The following DTWD2 variants were observed in gnomAD, a reference collection of about 807,000 sequenced individuals.
DTWD2 encodes the protein tRNA-uridine aminocarboxypropyltransferase 2.
Under a neutral mutation model 31.8 loss-of-function variants are expected in DTWD2, and 39 were observed. The ratio of observed to expected loss-of-function variants is 1.22; its 90% CI spans 0.95 to 1.60. The LOEUF (loss-of-function observed/expected upper bound fraction) is 1.60. DTWD2 is among the 40% of genes most tolerant of loss of function. The pLI, the probability that DTWD2 is intolerant of heterozygous loss-of-function variation, is 0.00. For synonymous variants in DTWD2, 180 were observed against 142.8 expected (o/e 1.26, Z -1.86); for missense variants, 515 against 381.5 (o/e 1.35, Z -2.92).
intron 5 of DTWD2, among the ~76,000 whole-genome samples, chr5:118,843,734 C>G (rs1288904834): frequency 2.0e-5 from 3 of 152,174 alleles, no homozygotes; most frequent in Admixed American, 6.5e-5. Context: ...TATCAATTTA[C>G]TGAGGTAATG....
At chr5:118,937,522 C>T (rs917206957) in intron 3 of DTWD2, among the ~76,000 whole-genome samples, 4 of 152,198 alleles carry the variant, frequency 2.6e-5, no homozygotes, top group Non-Finnish European at 5.9e-5. Context: ...AAAACTTTCC[C>T]TCCCTGTGTG....
At chr5:118,867,198 T>C (rs2149547779) in intron 4 of DTWD2, among the ~76,000 whole-genome samples, 1 of 152,258 alleles carries the variant, frequency 6.6e-6, no homozygotes, top group Non-Finnish European at 1.5e-5. Flanking sequence ...AATGAGGTAA[T>C]GATTTATAAA....
chr5:118,926,398 G>A (rs927125454), intron 4 of DTWD2, among the ~76,000 whole-genome samples: 8 of 152,148 alleles, frequency 5.3e-5, no homozygotes, highest in African/African-American at 1.7e-4. Context: ...CTGGGTGGAA[G>A]GAGGGAGGTG....
Position 118,876,862 on chromosome 5 carries a change from C to T in DTWD2, c.598-28644G>A, listed in dbSNP as rs555337380. 4.6e-5 allele frequency among the ~76,000 whole-genome samples: 7 copies of T among 152,138 alleles called. No individual in the cohort carries two copies. In the South Asian group the frequency reaches 1.0e-3, roughly 23 times the overall value. On this transcript the variant is annotated intron_variant, in intron 4 of 5. Coordinates refer to ENST00000510708, the MANE Select transcript of DTWD2 (RefSeq NM_173666.4). ...AAAAGATTGAGGAGGAGGGACTCCT[C>T]CCAAACTCATTCTGCAAGGCCAGCA...
intron 5 of DTWD2, among the ~76,000 whole-genome samples, chr5:118,843,251 G>T (rs557564986): frequency 6.6e-6 from 1 of 151,274 alleles, no homozygotes; most frequent in Admixed American, 6.6e-5. Flanking sequence ...CACCGCATCC[G>T]GCCCAGAATA....
In DTWD2 at chr5:118,838,382, GAACTTCCAGGA is replaced by G. The variant is rs908723318; in HGVS notation, c.*2524_*2534del. ...ATCAGCTACAAATTCATAAAACTTG[GAACTTCCAGGA>G]AAAATCAAGCAAATATAAAGAATCT... is the stretch of plus-strand genomic sequence containing the variant. On this transcript the variant is annotated 3_prime_UTR_variant, in exon 6 of 6. Transcript: ENST00000510708. The G allele has an allele frequency of 1.6e-5, 2 of 124,738 alleles. No individual in the cohort carries two copies. The highest frequency in any genetic ancestry group is 8.4e-5 in the African/African-American group (2 of 23,886). The allele number at this position is 124,738 out of a possible 1,614,324, so 7.7% of individuals were successfully genotyped here. A position where few individuals can be genotyped will look rare whatever the true frequency, so the allele number is the denominator to read the frequency against.
Position 118,840,719 on chromosome 5 carries a change from T to C in DTWD2, c.*198A>G. On this transcript the variant is annotated 3_prime_UTR_variant, in exon 6 of 6. Coordinates refer to ENST00000510708, the MANE Select transcript of DTWD2 (RefSeq NM_173666.4). ...TTTTAAAAACAAGTACAGTAGGAAA[T>C]CCTGCTTTTCAGTGAGCCAGTGAAT... The C allele has an allele frequency of 2.0e-6, 1 of 491,814 alleles. No individual in the cohort carries two copies. Among genetic ancestry groups the C allele is most frequent in the Non-Finnish European group, 3.2e-6 (1 of 312,296 alleles). 30.5% of individuals were successfully genotyped at this position (491,814 alleles called of 1,614,324 possible).
At chr5:118,935,274 T>G (rs1481738235) in intron 3 of DTWD2, among the ~76,000 whole-genome samples, 1 of 152,228 alleles carries the variant, frequency 6.6e-6, no homozygotes, top group Non-Finnish European at 1.5e-5. Flanking sequence ...CATAAACTGG[T>G]AAACATTAAG....
intron 4 of DTWD2, among the ~76,000 whole-genome samples, chr5:118,886,105 T>C (rs1360883922): frequency 6.6e-6 from 1 of 152,240 alleles, no homozygotes; most frequent in Non-Finnish European, 1.5e-5. Flanking sequence ...TATGTTTTAT[T>C]ATAAATTGTG....
chr5:118,878,993 T>G (rs1204938910), intron 4 of DTWD2, among the ~76,000 whole-genome samples: 2 of 152,016 alleles, frequency 1.3e-5, no homozygotes, highest in African/African-American at 4.8e-5. Context: ...AAATAACAGA[T>G]GCTAGCAAGG....
chr5:118,896,380 C>T (rs1002959193), intron 4 of DTWD2, among the ~76,000 whole-genome samples: 14 of 151,500 alleles, frequency 9.2e-5, no homozygotes, highest in Non-Finnish European at 1.8e-4. Flanking sequence ...ACATGTAGGT[C>T]AGATTTTTCA....
intron 4 of DTWD2, among the ~76,000 whole-genome samples, chr5:118,887,795 T>C (rs920676901): frequency 2.6e-5 from 4 of 152,132 alleles, no homozygotes; most frequent in Admixed American, 2.6e-4. Context: ...ATTGTTCTGT[T>C]TTGTTTTGGT....
chr5:118,903,159 A>C lies in DTWD2; in HGVS notation c.597+25378T>G, dbSNP rs72784035. 3.6e-3 allele frequency among the ~76,000 whole-genome samples: 554 copies of C among 152,094 alleles called. 2 individuals carry two copies. The highest frequency in any genetic ancestry group is 6.0e-3 in the Non-Finnish European group (409 of 67,876). Reference sequence around the variant, plus strand: ...GTGCTAAAATGGTAAAAAAAAAAAAAAACTTGAGTCAGTATGCCTCTAACA... The same window carrying C: ...GTGCTAAAATGGTAAAAAAAAAAAACAACTTGAGTCAGTATGCCTCTAACA... On this transcript the variant is annotated intron_variant, in intron 4 of 5. Coordinates refer to ENST00000510708, the MANE Select transcript of DTWD2 (RefSeq NM_173666.4).
intron 4 of DTWD2, among the ~76,000 whole-genome samples, chr5:118,857,802 T>A (rs998535616): frequency 6.6e-6 from 1 of 152,182 alleles, no homozygotes; most frequent in East Asian, 1.9e-4. Flanking sequence ...CACACAGTAT[T>A]GAGTGAAGTA....
chr5:118,981,615 C>G lies in DTWD2; in HGVS notation c.218+6679G>C, dbSNP rs185950456. Reference sequence around the variant, plus strand: ...TTACTCTGTCACCCAGGCAAGAGCACAGTGGCACCTTCTTACCTTACTACA... The same window carrying G: ...TTACTCTGTCACCCAGGCAAGAGCAGAGTGGCACCTTCTTACCTTACTACA... On this transcript the variant is annotated intron_variant, in intron 1 of 5. Transcript: ENST00000510708. Among the ~76,000 whole-genome samples, 719 of 152,248 alleles carry G rather than the reference C, an allele frequency of 4.7e-3. 3 individuals carry two copies. Among genetic ancestry groups the G allele is most frequent in the Non-Finnish European group, 7.1e-3 (484 of 67,998 alleles).
At position 118,988,128 on chromosome 5, in the gene DTWD2, A is replaced by C; in HGVS notation, c.218+166T>G. 3.7e-6 allele frequency: 3 copies of C among 817,618 alleles called. No individual in the cohort carries two copies. The South Asian group carries it at 4.3e-5, about 12-fold the overall frequency. The allele number at this position is 817,618 out of a possible 1,614,324, so 50.6% of individuals were successfully genotyped here. On this transcript the variant is annotated intron_variant, in intron 1 of 5. Coordinates refer to ENST00000510708, the MANE Select transcript of DTWD2 (RefSeq NM_173666.4). The stretch of plus-strand genomic sequence containing the variant: ...CATGAACCTGGAAAAAGGGCTTCTT[A>C]CTAGGTAGCTGTGCCTGGCATTTCC...
chr5:118,987,768 T>C (rs559476213), intron 1 of DTWD2, among the ~76,000 whole-genome samples: 6 of 152,280 alleles, frequency 3.9e-5, no homozygotes, highest in South Asian at 4.1e-4. Flanking sequence ...CACTGGGATA[T>C]AGATGATAAT....
In DTWD2 at chr5:118,988,412, C is replaced by T. The variant is rs1755486325; in HGVS notation, c.100G>A (p.Gly34Ser). The change falls in exon 1 of 6, where the codon GGC (glycine) becomes AGC (serine). Residue 34 changes from glycine (G) to serine (S), a missense_variant. Physicochemically the swap from Gly to Ser is moderately conservative, Grantham distance 56. Transcript: ENST00000510708. Reference sequence around the variant, plus strand: ...GCAGCCGCCGCCGGCACTGCGCCGCCCTCCCGCCGCTCCTTGTCGTTCGGC... The same window carrying T: ...GCAGCCGCCGCCGGCACTGCGCCGCTCTCCCGCCGCTCCTTGTCGTTCGGC... ...QTPNDKERRE[G>S]GAVPAAAALG... 15 of 1,602,686 alleles carry T rather than the reference C, an allele frequency of 9.4e-6. No homozygotes were observed. The highest frequency in any genetic ancestry group is 2.3e-5 in the East Asian group (1 of 44,224).
intron 4 of DTWD2, among the ~76,000 whole-genome samples, chr5:118,857,906 A>T (rs764075193): frequency 2.6e-5 from 4 of 152,182 alleles, no homozygotes; most frequent in Non-Finnish European, 5.9e-5. Context: ...TTCCTCTTAC[A>T]TATCTGCCAT....
Sources: allele counts gnomAD v4.1 joint callset (sites outside exome capture counted in the v4.1 genomes callset), GRCh38; gene constraint gnomAD v4.1.1; transcripts MANE v1.5; gene names NCBI Gene and HGNC (gene_info 2026-07-23, HGNC 2026-07-21).